GXYLT1: variants seen among roughly 807,000 people sequenced by gnomAD.
GXYLT1 encodes glycosyltransferase 8 domain containing 3.
Under a neutral mutation model 54.0 loss-of-function variants are expected in GXYLT1, and 29 were observed. The observed-to-expected ratio is 0.54, with a 90% CI of 0.40 to 0.73. The LOEUF (loss-of-function observed/expected upper bound fraction) is 0.73. Ranked by LOEUF, GXYLT1 falls within the 30% of genes least tolerant of loss-of-function variation. The pLI, the probability that GXYLT1 is intolerant of heterozygous loss-of-function variation, is 0.00. For synonymous variants in GXYLT1, 176 were observed against 204.1 expected (o/e 0.86, Z 1.17); for missense variants, 490 against 553.4 (o/e 0.89, Z 1.15).
At chr12:42,109,937 C>A (rs1184583006) in intron 3 of GXYLT1, among the ~76,000 whole-genome samples, 7 of 152,198 alleles carry the variant, frequency 4.6e-5, no homozygotes, top group African/African-American at 1.7e-4. Flanking sequence ...CAGGGTCCAA[C>A]TCCCAAAATC....
chr12:42,106,993 C>T (rs1391438875), intron 4 of GXYLT1, among the ~76,000 whole-genome samples: 2 of 151,994 alleles, frequency 1.3e-5, no homozygotes, highest in Non-Finnish European at 2.9e-5. Context: ...ATGATTCACC[C>T]ATCTCGGCCT....
At chr12:42,138,606 G>A (rs2065634672) in intron 1 of GXYLT1, among the ~76,000 whole-genome samples, 1 of 152,184 alleles carries the variant, frequency 6.6e-6, no homozygotes, top group African/African-American at 2.4e-5. Context: ...AAAGTAAAAA[G>A]TAGCCAATCT....
chr12:42,134,738 A>G (rs2065610339), intron 1 of GXYLT1, among the ~76,000 whole-genome samples: 1 of 152,210 alleles, frequency 6.6e-6, no homozygotes, highest in Non-Finnish European at 1.5e-5. Flanking sequence ...GTTCATTCAC[A>G]TTCTCAGATG....
chr12:42,108,283 C>G (rs1037298153), intron 4 of GXYLT1, among the ~76,000 whole-genome samples: 3 of 152,152 alleles, frequency 2.0e-5, no homozygotes, highest in Non-Finnish European at 4.4e-5. Context: ...AACAAAATGG[C>G]AGAGAAATGG....
At chr12:42,118,046 C>T (rs375961224) in intron 3 of GXYLT1, among the ~76,000 whole-genome samples, 15 of 152,228 alleles carry the variant, frequency 9.9e-5, no homozygotes, top group South Asian at 2.1e-4. Flanking sequence ...CACAGTAAGA[C>T]GAAGCCAGAG....
chr12:42,094,823 G>A (rs1193055973), intron 7 of GXYLT1, among the ~76,000 whole-genome samples: 2 of 152,118 alleles, frequency 1.3e-5, no homozygotes, highest in Non-Finnish European at 2.9e-5. Flanking sequence ...CAATTAAAGG[G>A]AGGAGAGGGC....
intron 3 of GXYLT1, among the ~76,000 whole-genome samples, chr12:42,115,064 T>C (rs954804755): frequency 5.5e-4 from 83 of 152,216 alleles, no homozygotes; most frequent in Non-Finnish European, 9.7e-4. Context: ...GAAAAGGCTT[T>C]TGACAAAATT....
At chr12:42,090,705 T>G (rs1400828816) in intron 7 of GXYLT1, among the ~76,000 whole-genome samples, 2 of 152,252 alleles carry the variant, frequency 1.3e-5, no homozygotes, top group African/African-American at 4.8e-5. Flanking sequence ...AAGTGTTCAC[T>G]ATATGCAAGT....
At position 42,082,718 on chromosome 12, in the gene GXYLT1, G is replaced by C. The variant is rs369169670; in HGVS notation, c.*5068C>G. ...TGGTCTCAAACTCTTGGGCTCAAGC[G>C]ATCCTCCTGCCTCGGCCTCCCAAAG... On this transcript the variant is annotated 3_prime_UTR_variant, in exon 8 of 8. Coordinates refer to ENST00000398675, the MANE Select transcript of GXYLT1 (RefSeq NM_173601.2). 1 of 152,148 alleles carries C rather than the reference G, an allele frequency of 6.6e-6. No homozygotes were observed. Among genetic ancestry groups the C allele is most frequent in the Non-Finnish European group, 1.5e-5 (1 of 68,100 alleles). 9.4% of individuals were successfully genotyped at this position (152,148 alleles called of 1,614,324 possible). A position where few individuals can be genotyped will look rare whatever the true frequency, so the allele number is the denominator to read the frequency against.
chr12:42,138,855 T>A (rs1197242745), intron 1 of GXYLT1, among the ~76,000 whole-genome samples: 1 of 151,712 alleles, frequency 6.6e-6, no homozygotes, highest in Non-Finnish European at 1.5e-5. Flanking sequence ...TGAAACCCCG[T>A]CTCTACTAAA....
chr12:42,142,955 T>C (rs1425355628), intron 1 of GXYLT1, among the ~76,000 whole-genome samples: 3 of 152,218 alleles, frequency 2.0e-5, no homozygotes, highest in Non-Finnish European at 2.9e-5. Context: ...GTATTTCGGT[T>C]GACTCAATCC....
At chr12:42,128,684 T>C (rs2065577302) in intron 2 of GXYLT1, among the ~76,000 whole-genome samples, 1 of 152,130 alleles carries the variant, frequency 6.6e-6, no homozygotes, top group Non-Finnish European at 1.5e-5. Flanking sequence ...GCAAATATAA[T>C]GAGTAGAATT....
At chr12:42,109,523 TAAAAAAAAA>T (rs201861073) in intron 4 of GXYLT1, 34 bp downstream of exon 4, 2 of 1,131,758 alleles carry the variant, frequency 1.8e-6, no homozygotes, top group East Asian at 3.4e-5. Context: ...GGTTCAAATT[TAAAAAAAAA>T]AAAAAAAAAA....
At chr12:42,138,254 C>T (rs2065632094) in intron 1 of GXYLT1, among the ~76,000 whole-genome samples, 1 of 152,072 alleles carries the variant, frequency 6.6e-6, no homozygotes, top group Non-Finnish European at 1.5e-5. Context: ...GTGACAGAGA[C>T]TGCGTCTGGG....
chr12:42,113,880 T>G (rs2065475169), intron 3 of GXYLT1, among the ~76,000 whole-genome samples: 1 of 151,072 alleles, frequency 6.6e-6, no homozygotes, highest in East Asian at 1.9e-4. Context: ...TAGTTGGAAG[T>G]AAAGCATTCC....
At chr12:42,111,259 C>A (rs189495381) in intron 3 of GXYLT1, among the ~76,000 whole-genome samples, 337 of 152,364 alleles carry the variant, frequency 2.2e-3, no homozygotes, top group Non-Finnish European at 3.0e-3. Context: ...GTTCATCTCA[C>A]TGGGGAGTGC....
chr12:42,126,599 G>C (rs997652768), intron 2 of GXYLT1, among the ~76,000 whole-genome samples: 1 of 152,146 alleles, frequency 6.6e-6, no homozygotes, highest in Admixed American at 6.5e-5. Context: ...TTAAGCTCAG[G>C]ATTCAAGATT....
chr12:42,119,467 G>A (rs1459775766), intron 2 of GXYLT1, among the ~76,000 whole-genome samples: 2 of 151,742 alleles, frequency 1.3e-5, no homozygotes, highest in Admixed American at 1.3e-4. Flanking sequence ...AAAGGGAAAG[G>A]GAGGGAGGGA....
intron 5 of GXYLT1, among the ~76,000 whole-genome samples, chr12:42,104,137 G>T (rs544916784): frequency 6.6e-6 from 1 of 152,078 alleles, no homozygotes; most frequent in South Asian, 2.1e-4. Flanking sequence ...CAATGGATTT[G>T]AACTATATAG....
Sources: allele counts gnomAD v4.1 joint callset (sites outside exome capture counted in the v4.1 genomes callset), GRCh38; gene constraint gnomAD v4.1.1; transcripts MANE v1.5; gene names NCBI Gene and HGNC (gene_info 2026-07-23, HGNC 2026-07-21).